Variants in TTBK1 observed in about 807,000 individuals in gnomAD.
TTBK1 encodes tau-tubulin kinase 1.
Under a neutral mutation model 108.5 loss-of-function variants are expected in TTBK1, and 34 were observed. The ratio of observed to expected loss-of-function variants is 0.31; its 90% CI spans 0.24 to 0.42. TTBK1 has a LOEUF of 0.42. TTBK1 is among the 10% of genes least tolerant of loss of function. TTBK1 has a pLI of 1.00. For missense variants in TTBK1, 1,539 were observed against 1,826.0 expected (o/e 0.84, Z 2.86); for synonymous variants, 809 against 795.1 (o/e 1.02, Z -0.29).
chr6:43,254,809 CCT>C (rs1777341522), intron 6 of TTBK1, among the ~76,000 whole-genome samples, 158 bp downstream of exon 6: 1 of 152,154 alleles, frequency 6.6e-6, no homozygotes, highest in Non-Finnish European at 1.5e-5. Context: ...CGGCCTGTCC[CCT>C]CTCGCCGTTA....
In TTBK1 at chr6:43,259,402, C is replaced by G; in HGVS notation, c.1249-129C>G. On this transcript the variant is annotated intron_variant, in intron 11 of 14. Transcript: ENST00000259750. The surrounding 1 kb of genome is among the most constrained non-coding windows in gnomAD (Gnocchi z 6.7). ...GCCTGCTTGCCCTGCCTCTGTTTCC[C>G]GGTCCCTCCCCGCACTAGCCTCGCT... 1 of 1,294,714 alleles carries G rather than the reference C, an allele frequency of 7.7e-7. No individual in the cohort carries two copies. Among genetic ancestry groups the G allele is most frequent in the African/African-American group, 1.5e-5 (1 of 67,128 alleles). 80.2% of individuals were successfully genotyped at this position (1,294,714 alleles called of 1,614,324 possible). A position where few individuals can be genotyped will look rare whatever the true frequency, so the allele number is the denominator to read the frequency against.
At chr6:43,249,726 G>A (rs1000630241) in intron 2 of TTBK1, among the ~76,000 whole-genome samples, 4 of 151,742 alleles carry the variant, frequency 2.6e-5, no homozygotes, top group Non-Finnish European at 5.9e-5. Flanking sequence ...ACAGGCACCC[G>A]CCACCACACC....
intron 12 of TTBK1, among the ~76,000 whole-genome samples, chr6:43,260,590 G>A (rs1777513560): frequency 6.6e-6 from 1 of 152,172 alleles, no homozygotes; most frequent in Non-Finnish European, 1.5e-5. Context: ...TTTTGTCTGT[G>A]GTAGCCTGGA....
In TTBK1 at chr6:43,285,096, C is replaced by T. The variant is rs1156351863; in HGVS notation, c.3686C>T (p.Ala1229Val). 1 of 1,481,084 alleles carries T rather than the reference C, an allele frequency of 6.8e-7. No homozygotes were observed. Among genetic ancestry groups the T allele is most frequent in the Non-Finnish European group, 8.9e-7 (1 of 1,123,934 alleles). The allele number at this position is 1,481,084 out of a possible 1,614,324, so 91.7% of individuals were successfully genotyped here. A position where few individuals can be genotyped will look rare whatever the true frequency, so the allele number is the denominator to read the frequency against. Residue 1229 changes from alanine to valine, a missense_variant, in exon 15 of 15, where the codon GCG becomes GTG. By Grantham distance (64) the Ala-to-Val change is moderately conservative. This residue lies in a region of TTBK1 where 1,055 missense variants were observed against 1,086.5 expected (regional missense o/e 0.97). Transcript: ENST00000259750. The surrounding 1 kb of genome is among the most constrained non-coding windows in gnomAD (Gnocchi z 4.7). Reference protein sequence around the residue: ...GRAQAGARPPAPRSPRLPAST... With the variant: ...GRAQAGARPPVPRSPRLPAST... ...GCCCAAGCCGGAGCCAGGCCCCCAG[C>T]GCCGCGCAGCCCGCGCCTCCCCGCG...
Position 43,243,657 on chromosome 6 carries a change from A to C in TTBK1, c.-106A>C. On this transcript the variant is annotated 5_prime_UTR_variant, in exon 1 of 15. Coordinates refer to ENST00000259750, the MANE Select transcript of TTBK1 (RefSeq NM_032538.3). The surrounding 1 kb of genome is among the most constrained non-coding windows in gnomAD (Gnocchi z 5.5). The stretch of plus-strand genomic sequence containing the variant: ...CGGCCCCGGGGGATGCGCCGCCCCG[A>C]GCTGCTGCCTCCGCCGCCGCCGCAG... The C allele has an allele frequency of 6.6e-6, 1 of 152,608 alleles. No homozygotes were observed. Among genetic ancestry groups the C allele is most frequent in the South Asian group, 1.8e-4 (1 of 5,648 alleles). 9.5% of individuals were successfully genotyped at this position (152,608 alleles called of 1,614,324 possible). A position where few individuals can be genotyped will look rare whatever the true frequency, so the allele number is the denominator to read the frequency against.
At position 43,276,976 on chromosome 6, in the gene TTBK1, G is replaced by A. The variant is rs4714674; in HGVS notation, c.1987-5751G>A. On this transcript the variant is annotated intron_variant, in intron 13 of 14. Transcript: ENST00000259750. This position sits in a 1 kb window ranked among gnomAD's most constrained non-coding sequence, Gnocchi z 5.4. ...AGTGGACTCTGGTCTCTGGGACTCA[G>A]CTCCAAATTGCCAACTTCCGGGTGG... Among the ~76,000 whole-genome samples, 73,694 of 152,014 alleles carry A rather than the reference G, an allele frequency of 0.48. 20,902 individuals are homozygous for A. Among genetic ancestry groups the A allele is most frequent in the African/African-American group, 0.79 (32,937 of 41,470 alleles).
intron 13 of TTBK1, among the ~76,000 whole-genome samples, chr6:43,267,924 C>G (rs1277620424): frequency 6.6e-6 from 1 of 152,158 alleles, no homozygotes; most frequent in African/African-American, 2.4e-5. Flanking sequence ...CCCAGTCCTG[C>G]CCTTTTGGAG....
intron 13 of TTBK1, among the ~76,000 whole-genome samples, chr6:43,280,648 C>T (rs1778130740): frequency 6.6e-6 from 1 of 152,184 alleles, no homozygotes; most frequent in Non-Finnish European, 1.5e-5. Flanking sequence ...TCAGGGATCT[C>T]TGTGTATCAG....
Position 43,285,474 on chromosome 6 carries a change from G to C in TTBK1, c.*98G>C. On this transcript the variant is annotated 3_prime_UTR_variant, in exon 15 of 15. Coordinates refer to ENST00000259750, the MANE Select transcript of TTBK1 (RefSeq NM_032538.3). This position sits in a 1 kb window ranked among gnomAD's most constrained non-coding sequence, Gnocchi z 4.7. The stretch of plus-strand genomic sequence containing the variant: ...GCTCCCAGCACAGCCTTACGCGCCC[G>C]ACGCGCGCCACCCGCGGCCCCAGCT... 8.3e-7 allele frequency: 1 copy of C among 1,209,854 alleles called. No homozygotes were observed. Among genetic ancestry groups the C allele is most frequent in the Admixed American group, 4.5e-5 (1 of 22,336 alleles). The allele number at this position is 1,209,854 out of a possible 1,614,324, so 74.9% of individuals were successfully genotyped here.
rs1175175131 is a variant in TTBK1 at position 43,259,052 on chromosome 6, C to T, written c.1031C>T (p.Thr344Met). The change falls in exon 11 of 15, where the codon ACG becomes ATG. Residue 344 changes from threonine (T) to methionine (M), a missense_variant. By Grantham distance (81) the Thr-to-Met change is moderately conservative. This residue lies in a region of TTBK1 where 277 missense variants were observed against 332.4 expected (regional missense o/e 0.83). Transcript: ENST00000259750. The surrounding 1 kb of genome is among the most constrained non-coding windows in gnomAD (Gnocchi z 6.7). ...GCCCTCTCCAGGGTGGTCAATGTGA[C>T]GCCAGTGCCTGGGGACCTGCTCCGG... is the stretch of plus-strand genomic sequence containing the variant. ...TAAMFGVVNV[T>M]PVPGDLLREN... is the part of the protein sequence containing the mutation. The T allele has an allele frequency of 6.2e-6, 10 of 1,612,186 alleles. No homozygotes were observed. The highest frequency in any genetic ancestry group is 4.5e-5 in the East Asian group (2 of 44,888).
At chr6:43,277,727 C>T (rs565042609) in intron 13 of TTBK1, among the ~76,000 whole-genome samples, 2 of 152,256 alleles carry the variant, frequency 1.3e-5, no homozygotes, top group African/African-American at 2.4e-5. Flanking sequence ...TTGGCAGAGA[C>T]GTTTGGAGAG....
intron 2 of TTBK1, among the ~76,000 whole-genome samples, chr6:43,251,246 A>G (rs1333110212): frequency 6.6e-6 from 1 of 152,196 alleles, no homozygotes; most frequent in African/African-American, 2.4e-5. Context: ...ATCACAAGTC[A>G]TCTGGGTACT....
At chr6:43,248,514 C>T (rs1020025776) in intron 2 of TTBK1, among the ~76,000 whole-genome samples, 3 of 152,068 alleles carry the variant, frequency 2.0e-5, no homozygotes, top group Non-Finnish European at 1.5e-5. Context: ...CTTGGGGTCA[C>T]GAGTTCGAGA....
At chr6:43,284,338 G>A in intron 14 of TTBK1, 26 bp downstream of exon 14, 1 of 1,499,662 alleles carries the variant, frequency 6.7e-7, no homozygotes, top group Non-Finnish European at 8.8e-7. Flanking sequence ...CAGCCCCAGG[G>A]TGGGCAGAGG....
chr6:43,285,578 C>A lies in TTBK1; in HGVS notation c.*202C>A. 1.7e-6 allele frequency: 1 copy of A among 576,564 alleles called. No homozygotes were observed. Among genetic ancestry groups the A allele is most frequent in the East Asian group, 4.1e-5 (1 of 24,460 alleles). 35.7% of individuals were successfully genotyped at this position (576,564 alleles called of 1,614,324 possible). A position where few individuals can be genotyped will look rare whatever the true frequency, so the allele number is the denominator to read the frequency against. On this transcript the variant is annotated 3_prime_UTR_variant, in exon 15 of 15. Transcript: ENST00000259750. The surrounding 1 kb of genome is among the most constrained non-coding windows in gnomAD (Gnocchi z 4.7). ...CTTAGGGCCCGTGGGGGACGCGGCC[C>A]CGCGCCGCGGGGAGGGTCTGCCTCC...
chr6:43,271,429 T>C (rs1777832299), intron 13 of TTBK1: 14 of 985,278 alleles, frequency 1.4e-5, no homozygotes, highest in South Asian at 1.4e-4. Context: ...GCTGTATGAG[T>C]GTGTGTATGC....
chr6:43,245,059 T>A (rs1045630240), intron 1 of TTBK1, among the ~76,000 whole-genome samples: 1 of 152,094 alleles, frequency 6.6e-6, no homozygotes, highest in Admixed American at 6.5e-5. Context: ...CCCATGAAGA[T>A]CCCTTCTCCA....
At chr6:43,244,818 T>C (rs2150677337) in intron 1 of TTBK1, among the ~76,000 whole-genome samples, 1 of 152,268 alleles carries the variant, frequency 6.6e-6, no homozygotes, top group Admixed American at 6.5e-5. Flanking sequence ...ACCAGTTCAA[T>C]TGCTTCTTCA....
chr6:43,249,290 C>A (rs553169243), intron 2 of TTBK1, among the ~76,000 whole-genome samples: 1 of 152,220 alleles, frequency 6.6e-6, no homozygotes, highest in Admixed American at 6.5e-5. Flanking sequence ...GGACCAGTGC[C>A]GATCCTATTG....
Sources: allele counts gnomAD v4.1 joint callset (sites outside exome capture counted in the v4.1 genomes callset), GRCh38; gene constraint gnomAD v4.1.1; regional missense constraint gnomAD v4.1.1; non-coding constraint Gnocchi (gnomAD v3.1); transcripts MANE v1.5; gene names NCBI Gene and HGNC (gene_info 2026-07-23, HGNC 2026-07-21).